Variants in CDH23 observed in about 807,000 individuals in gnomAD.
CDH23 encodes the protein cadherin related 23, also known as cadherin-23.
CDH23 carries 189 observed loss-of-function variants against 317.1 expected under a neutral mutation model. The ratio of observed to expected loss-of-function variants is 0.60; its 90% CI spans 0.53 to 0.67. CDH23 has a LOEUF of 0.67. Among genes scored for constraint, CDH23 ranks in the 30% least tolerant of loss-of-function variants. CDH23 has a pLI of 0.00. For missense variants in CDH23, 4,401 were observed against 4,592.4 expected (o/e 0.96, Z 1.20); for synonymous variants, 1,839 against 1,876.8 (o/e 0.98, Z 0.52).
chr10:71,403,370 T>C (rs1312737413), intron 1 of CDH23, among the ~76,000 whole-genome samples: 2,015 of 109,404 alleles, frequency 0.018, 115 homozygotes, highest in African/African-American at 0.051. Flanking sequence ...TTTCTTTCTT[T>C]CTTTCTTTCT....
At chr10:71,470,096 A>G (rs1355029432) in intron 3 of CDH23, among the ~76,000 whole-genome samples, 3 of 152,160 alleles carry the variant, frequency 2.0e-5, no homozygotes, top group African/African-American at 7.2e-5. Flanking sequence ...CAGCCTCCTG[A>G]GTAGCAGGAA....
At chr10:71,675,472 C>T (rs1018541640) in intron 15 of CDH23, among the ~76,000 whole-genome samples, 6 of 152,112 alleles carry the variant, frequency 3.9e-5, no homozygotes, top group Admixed American at 2.0e-4. Flanking sequence ...GAAGTACTAG[C>T]GACAGCACAC....
At chr10:71,633,258 C>T (rs1862101589) in intron 11 of CDH23, among the ~76,000 whole-genome samples, 1 of 152,092 alleles carries the variant, frequency 6.6e-6, no homozygotes, top group Non-Finnish European at 1.5e-5. Context: ...GACATTCAAA[C>T]CCTAGCACCA....
intron 3 of CDH23, among the ~76,000 whole-genome samples, chr10:71,467,106 A>T (rs2132076370): frequency 6.6e-6 from 1 of 152,202 alleles, no homozygotes; most frequent in East Asian, 1.9e-4. Flanking sequence ...AGCTGCAAGG[A>T]GGGGCTGGGC....
chr10:71,809,963 C>T lies in CDH23; in HGVS notation c.8866C>T (p.Arg2956Cys), dbSNP rs751367894. The change falls in exon 61 of 70, where the codon CGC becomes TGC. Residue 2956 changes from arginine (R) to cysteine (C), a missense_variant. This residue lies in a region of CDH23 where 1,144 missense variants were observed against 1,138.2 expected (regional missense o/e 1.01). Coordinates refer to ENST00000224721, the MANE Select transcript of CDH23 (RefSeq NM_022124.6). ...IGIYILRDDQ[R>C]VKIVINEIPD... The stretch of plus-strand genomic sequence containing the variant: ...CATCTACATCCTGAGGGACGACCAG[C>T]GCGTCAAGATCGTCATTAACGAGAT... The T allele has an allele frequency of 1.1e-5, 18 of 1,612,114 alleles. No homozygotes were observed. The highest frequency in any genetic ancestry group is 1.6e-4 in the Middle Eastern group (1 of 6,084).
intron 6 of CDH23, among the ~76,000 whole-genome samples, chr10:71,535,295 G>A (rs1855634487): frequency 6.6e-6 from 1 of 152,116 alleles, no homozygotes; most frequent in South Asian, 2.1e-4. Context: ...TCCTGATCAG[G>A]TCTCCATGTT....
intron 45 of CDH23, 124 bp downstream of exon 45, chr10:71,789,166 G>A (rs921430327): frequency 6.6e-6 from 4 of 608,438 alleles, no homozygotes; most frequent in Non-Finnish European, 1.2e-5. Context: ...GTGCGGGAGG[G>A]GAAGGATGGG....
At chr10:71,559,768 C>A (rs964426230) in intron 6 of CDH23, among the ~76,000 whole-genome samples, 10 of 152,236 alleles carry the variant, frequency 6.6e-5, no homozygotes, top group African/African-American at 2.4e-4. Context: ...GCTCTCAGAG[C>A]ATACCTGGCA....
chr10:71,687,773 C>T, intron 19 of CDH23, 54 bp downstream of exon 19: 2 of 1,536,016 alleles, frequency 1.3e-6, no homozygotes, highest in Non-Finnish European at 1.8e-6. Context: ...AGCCAGCAGT[C>T]ACGGCACCCA....
intron 51 of CDH23, 28 bp from the exon 52 acceptor site, chr10:71,799,464 C>T: frequency 6.2e-7 from 1 of 1,613,626 alleles, no homozygotes; most frequent in South Asian, 1.1e-5. Context: ...CCTTGGCCTA[C>T]TCTCTCTCCC....
intron 3 of CDH23, chr10:71,509,878 A>G: frequency 1.7e-6 from 1 of 596,406 alleles, no homozygotes; most frequent in Non-Finnish European, 3.0e-6. Flanking sequence ...CCATCATGAC[A>G]CACTGTGACA....
In CDH23 at chr10:71,566,843, C is replaced by A; in HGVS notation, c.531C>A (p.Phe177Leu). The change falls in exon 7 of 70, where the codon TTC becomes TTA. Residue 177 changes from phenylalanine (F) to leucine (L), a missense_variant. Phe to Leu is a conservative substitution (Grantham distance 22, BLOSUM62 0). Transcript: ENST00000224721. ...VLYSFQPPSQ[F>L]FAIDSARGIV... ...ACTCCTTCCAGCCCCCCTCCCAATT[C>A]TTCGCCATTGACAGCGCCCGCGGTA... 1 of 1,614,020 alleles carries A rather than the reference C, an allele frequency of 6.2e-7. No homozygotes were observed. The highest frequency in any genetic ancestry group is 8.5e-7 in the Non-Finnish European group (1 of 1,179,896).
intron 22 of CDH23, among the ~76,000 whole-genome samples, chr10:71,698,207 G>C (rs920170406): frequency 2.6e-5 from 4 of 152,164 alleles, no homozygotes; most frequent in Non-Finnish European, 4.4e-5. Flanking sequence ...TTATATGTTA[G>C]TCAAGTTTGT....
At chr10:71,806,074 C>G (rs1475449007) in intron 56 of CDH23, 77 bp downstream of exon 56, 1 of 1,533,542 alleles carries the variant, frequency 6.5e-7, no homozygotes, top group Non-Finnish European at 8.8e-7. Context: ...CACCTCGCCT[C>G]CTGGAAAGTC....
At chr10:71,708,246 C>T (rs1865859687) in intron 26 of CDH23, among the ~76,000 whole-genome samples, 1 of 152,178 alleles carries the variant, frequency 6.6e-6, no homozygotes, top group Non-Finnish European at 1.5e-5. Context: ...CACCTGGCAG[C>T]CTGCAGGATG....
intron 14 of CDH23, among the ~76,000 whole-genome samples, chr10:71,653,294 G>A (rs777135443): frequency 3.3e-5 from 5 of 152,146 alleles, no homozygotes; most frequent in Non-Finnish European, 5.9e-5. Flanking sequence ...TGGGCTGGCC[G>A]TGTTGAAGGC....
At chr10:71,449,600 A>G (rs1226729984) in intron 3 of CDH23, among the ~76,000 whole-genome samples, 3 of 152,244 alleles carry the variant, frequency 2.0e-5, no homozygotes, top group Non-Finnish European at 4.4e-5. Context: ...TTGACTGTTC[A>G]AGGCAGTGTC....
At chr10:71,712,969 C>G in intron 28 of CDH23, 156 bp downstream of exon 28, 1 of 888,700 alleles carries the variant, frequency 1.1e-6, no homozygotes, top group Non-Finnish European at 1.8e-6. Context: ...GAAAGGGGGA[C>G]CCAGGCCCTC....
intron 9 of CDH23, among the ~76,000 whole-genome samples, chr10:71,579,730 T>G (rs1011199245): frequency 2.4e-4 from 36 of 152,160 alleles, no homozygotes; most frequent in African/African-American, 8.2e-4. Context: ...AGGCCCTTTC[T>G]AGGTGGGCAG....
Sources: allele counts gnomAD v4.1 joint callset (sites outside exome capture counted in the v4.1 genomes callset), GRCh38; gene constraint gnomAD v4.1.1; regional missense constraint gnomAD v4.1.1; transcripts MANE v1.5; gene names NCBI Gene and HGNC (gene_info 2026-07-23, HGNC 2026-07-21).